Variants in MYO3A observed in about 807,000 individuals in gnomAD.
The protein encoded by MYO3A is myosin IIIA, also known as myosin-IIIa.
Under a neutral mutation model 192.7 loss-of-function variants are expected in MYO3A, and 180 were observed. The ratio of observed to expected loss-of-function variants is 0.93; its 90% confidence interval spans 0.83 to 1.06. MYO3A has a LOEUF of 1.06. MYO3A is among the 50% of genes least tolerant of loss of function. MYO3A has a pLI of 0.00. For missense variants in MYO3A, 1,896 were observed against 1,905.0 expected (o/e 1.00, Z 0.09); for synonymous variants, 628 against 645.3 (o/e 0.97, Z 0.41).
intron 10 of MYO3A, among the ~76,000 whole-genome samples, chr10:26,058,754 T>A (rs964262681): frequency 1.3e-5 from 2 of 152,220 alleles, no homozygotes; most frequent in Non-Finnish European, 2.9e-5. Context: ...TTTGTTTGGA[T>A]TTTGCTTGGG....
intron 10 of MYO3A, among the ~76,000 whole-genome samples, chr10:26,055,586 A>T (rs1469416094): frequency 3.3e-5 from 5 of 152,208 alleles, no homozygotes; most frequent in Non-Finnish European, 5.9e-5. Context: ...CCGTACTTTT[A>T]TGGGTTTTAC....
At chr10:26,134,993 A>G (rs974234097) in intron 20 of MYO3A, among the ~76,000 whole-genome samples, 1 of 152,168 alleles carries the variant, frequency 6.6e-6, no homozygotes, top group Admixed American at 6.5e-5. Context: ...AACCACATTT[A>G]TTCATTGAGT....
intron 4 of MYO3A, among the ~76,000 whole-genome samples, chr10:25,995,457 CCTT>C: frequency 6.6e-6 from 1 of 152,190 alleles, no homozygotes; most frequent in Non-Finnish European, 1.5e-5. Flanking sequence ...CGAACTTCCT[CCTT>C]TAGCTTGGAG....
intron 7 of MYO3A, among the ~76,000 whole-genome samples, chr10:26,018,994 A>G (rs1168806002): frequency 6.6e-6 from 1 of 152,202 alleles, no homozygotes; most frequent in East Asian, 1.9e-4. Flanking sequence ...TTATAAAGGT[A>G]TAACTATAGA....
intron 25 of MYO3A, 47 bp from the exon 26 acceptor site, chr10:26,157,263 G>A (rs766386863): frequency 9.8e-5 from 154 of 1,565,536 alleles, no homozygotes; most frequent in Non-Finnish European, 1.3e-4. Flanking sequence ...AAGCTCATAC[G>A]TTTTTGTATG....
At chr10:26,155,857 C>T (rs1300389648) in intron 25 of MYO3A, among the ~76,000 whole-genome samples, 2 of 152,154 alleles carry the variant, frequency 1.3e-5, no homozygotes, top group Non-Finnish European at 2.9e-5. Flanking sequence ...CATTATCATA[C>T]CACTGTTGTT....
chr10:26,006,940 T>A (rs1321777576), intron 6 of MYO3A, among the ~76,000 whole-genome samples: 1 of 149,548 alleles, frequency 6.7e-6, no homozygotes, highest in Non-Finnish European at 1.5e-5. Flanking sequence ...AAAGAGAATT[T>A]TAGACCAATA....
At position 26,065,990 on chromosome 10, in the gene MYO3A, C is replaced by T. The variant is rs1257974936; in HGVS notation, c.954-985C>T. On this transcript the variant is annotated intron_variant, in intron 10 of 34. Transcript: ENST00000642920. ...AATTAGCCGGGCATGGTGGCGCGTG[C>T]CTATAGTCCCAGCTACACGGGAGGC... Among the ~76,000 whole-genome samples, 3 of 78,990 alleles carry T rather than the reference C, an allele frequency of 3.8e-5. 1 individual carries two copies. The highest frequency in any genetic ancestry group is 8.6e-5 in the Non-Finnish European group (3 of 34,840). 51.8% of individuals were successfully genotyped at this position (78,990 alleles called of 152,430 possible).
intron 4 of MYO3A, 150 bp from the exon 5 acceptor site, chr10:25,996,340 C>A: frequency 1.5e-6 from 1 of 647,380 alleles, no homozygotes; most frequent in African/African-American, 1.8e-5. Flanking sequence ...TTTATATATT[C>A]ATTTTATTTA....
rs1349955211 is a variant in MYO3A, at chr10:26,101,147, G to A, written c.1776+4465G>A. On this transcript the variant is annotated intron_variant, in intron 17 of 34. Transcript: ENST00000642920. Reference sequence around the variant, plus strand: ...ATTGAATTGATTCCTTTACCATTATGTAATGGCCTTCTTTGTCTCTTTTGA... The same window carrying A: ...ATTGAATTGATTCCTTTACCATTATATAATGGCCTTCTTTGTCTCTTTTGA... Among the ~76,000 whole-genome samples, 4 of 152,298 alleles carry A rather than the reference G, an allele frequency of 2.6e-5. No homozygotes were observed. The East Asian group carries it at 7.7e-4, about 29-fold the overall frequency.
rs1482948780 is a variant in MYO3A at position 26,059,252 on chromosome 10, C to T, written c.954-7723C>T. On this transcript the variant is annotated intron_variant, in intron 10 of 34. Coordinates refer to ENST00000642920, the MANE Select transcript of MYO3A (RefSeq NM_017433.5). ...AAAAGGAGTGTAGAGAGAGAACATC[C>T]TTGCTTTGTTTCTGATCTTAGCAGG... Among the ~76,000 whole-genome samples, 4 of 152,040 alleles carry T rather than the reference C, an allele frequency of 2.6e-5. No individual in the cohort carries two copies. The East Asian group carries it at 7.7e-4, about 29-fold the overall frequency.
At chr10:26,009,125 GA>G (rs1403488420) in intron 6 of MYO3A, among the ~76,000 whole-genome samples, 3 of 150,618 alleles carry the variant, frequency 2.0e-5, no homozygotes, top group African/African-American at 7.4e-5. Flanking sequence ...ACTATTGCAA[GA>G]ACAAAAAACC....
At chr10:26,207,361 C>A (rs566164375) in intron 34 of MYO3A, among the ~76,000 whole-genome samples, 135 of 152,248 alleles carry the variant, frequency 8.9e-4, no homozygotes, top group African/African-American at 3.2e-3. Flanking sequence ...ATCACATGAG[C>A]TAGCCCCTGT....
intron 4 of MYO3A, among the ~76,000 whole-genome samples, chr10:25,969,198 AC>A (rs1564414840): frequency 6.6e-6 from 1 of 151,968 alleles, no homozygotes; most frequent in Non-Finnish European, 1.5e-5. Context: ...GCACCAGTAC[AC>A]TCCAGCCAGC....
intron 29 of MYO3A, among the ~76,000 whole-genome samples, chr10:26,172,194 C>G (rs955573683): frequency 6.6e-6 from 1 of 152,226 alleles, no homozygotes; most frequent in African/African-American, 2.4e-5. Flanking sequence ...CCAGCACTCC[C>G]TCCCTCCTCC....
intron 26 of MYO3A, among the ~76,000 whole-genome samples, chr10:26,162,230 T>C (rs1026380497): frequency 6.6e-6 from 1 of 152,202 alleles, no homozygotes; most frequent in Non-Finnish European, 1.5e-5. Flanking sequence ...AATGAAAGTA[T>C]AAAGAAGATA....
At chr10:25,995,608 T>A (rs1302306209) in intron 4 of MYO3A, among the ~76,000 whole-genome samples, 1 of 152,238 alleles carries the variant, frequency 6.6e-6, no homozygotes. Context: ...GTTTTTCTGT[T>A]CTGGTTTTTC....
chr10:26,165,210 A>G lies in MYO3A; in HGVS notation c.3000-857A>G, dbSNP rs555558895. Among the ~76,000 whole-genome samples the G allele has an allele frequency of 9.2e-5, 14 of 152,296 alleles. No homozygotes were observed. In the East Asian group the frequency reaches 2.7e-3, roughly 29 times the overall value. Reference sequence around the variant, plus strand: ...TATATACAGTTAATGAGTCAAGGGTAAAACTCTGCTCTGCATGTCACCGTG... The same window carrying G: ...TATATACAGTTAATGAGTCAAGGGTGAAACTCTGCTCTGCATGTCACCGTG... On this transcript the variant is annotated intron_variant, in intron 26 of 34. Coordinates refer to ENST00000642920, the MANE Select transcript of MYO3A (RefSeq NM_017433.5).
At position 26,153,936 on chromosome 10, in the gene MYO3A, A is replaced by C; in HGVS notation, c.2715+7A>C. The stretch of plus-strand genomic sequence containing the variant: ...ATTAATCAACCTGGCAAAGGTAAGA[A>C]AATGCTTTTTTTCTTGGCAGTGAGT... On this transcript the variant is annotated splice_region_variant and intron_variant, in intron 24 of 34. Coordinates refer to ENST00000642920, the MANE Select transcript of MYO3A (RefSeq NM_017433.5). 1 of 1,572,528 alleles carries C rather than the reference A, an allele frequency of 6.4e-7. No homozygotes were observed. The highest frequency in any genetic ancestry group is 8.8e-7 in the Non-Finnish European group (1 of 1,142,646).
Sources: gnomAD v4.1 joint callset for allele counts (sites outside exome capture counted in the v4.1 genomes callset) on GRCh38, gnomAD v4.1.1 for gene constraint, MANE v1.5 for transcripts, NCBI Gene and HGNC (gene_info 2026-07-23, HGNC 2026-07-21) for gene names.